Variants in ROBO2 observed in about 807,000 individuals in gnomAD.
ROBO2 encodes roundabout homolog 2.
In ROBO2, 53 loss-of-function variants were observed where a neutral mutation model predicts 160.8. That is an observed-to-expected ratio of 0.33 (90% CI 0.26 to 0.41). The LOEUF (loss-of-function observed/expected upper bound fraction) is 0.41, where lower values mean the gene tolerates loss of function less well. Ranked by LOEUF, ROBO2 falls within the 10% of genes least tolerant of loss-of-function variation. ROBO2 has a pLI of 1.00. For synonymous variants in ROBO2, 664 were observed against 611.7 expected, an observed-to-expected ratio of 1.09 and a Z score of -1.26; for missense variants, 1,577 against 1,722.4, an observed-to-expected ratio of 0.92 and a Z score of 1.49.
intron 2 of ROBO2, among the ~76,000 whole-genome samples, chr3:77,201,576 G>T (rs555014023): frequency 4.6e-5 from 7 of 152,240 alleles, no homozygotes; most frequent in Non-Finnish European, 1.0e-4. Flanking sequence ...TACATTTGAA[G>T]ATATAATATC....
At chr3:76,825,940 G>C (rs2066550426) in intron 2 of ROBO2, among the ~76,000 whole-genome samples, 1 of 150,630 alleles carries the variant, frequency 6.6e-6, no homozygotes, top group African/African-American at 2.4e-5. Flanking sequence ...TGGTATCTGA[G>C]AAAAAGAAGC....
At chr3:77,252,851 TGAA>T (rs2090539004) in intron 2 of ROBO2, among the ~76,000 whole-genome samples, 1 of 111,004 alleles carries the variant, frequency 9.0e-6, no homozygotes, top group Non-Finnish European at 1.9e-5. Flanking sequence ...TATATATATA[TGAA>T]AAATAAACAG....
chr3:76,067,677 G>C (rs984989516), intron 2 of ROBO2, among the ~76,000 whole-genome samples: 1 of 152,090 alleles, frequency 6.6e-6, no homozygotes, highest in African/African-American at 2.4e-5. Context: ...AGTAGGAAAT[G>C]TATTTTTTTT....
rs141433882 is a variant in ROBO2 at position 76,803,845 on chromosome 3, C to T, written c.110-294169C>T. 5.0e-4 allele frequency among the ~76,000 whole-genome samples: 76 copies of T among 152,248 alleles called. No individual in the cohort carries two copies. In the East Asian group the frequency reaches 0.011, roughly 23 times the overall value. ...ATATGATAAACAGAGAAGGCGGAAT[C>T]ACTTCTAGCTAAGTCATGTAAGAGT... is the stretch of plus-strand genomic sequence containing the variant. On this transcript the variant is annotated intron_variant, in intron 2 of 26. Coordinates refer to the ROBO2 transcript ENST00000487694.
intron 2 of ROBO2, among the ~76,000 whole-genome samples, chr3:77,032,549 G>A (rs1392781230): frequency 6.6e-6 from 1 of 151,964 alleles, no homozygotes; most frequent in African/African-American, 2.4e-5. Context: ...AAGTTTAAAT[G>A]AATATTTAAA....
chr3:77,499,727 C>T (rs1275471657), intron 5 of ROBO2, among the ~76,000 whole-genome samples: 1 of 150,764 alleles, frequency 6.6e-6, no homozygotes, highest in South Asian at 2.1e-4. Flanking sequence ...CGCCTCACTG[C>T]ACCCTCCACC....
chr3:76,127,894 C>CT (rs10691388), intron 2 of ROBO2, among the ~76,000 whole-genome samples: 11,229 of 117,472 alleles, frequency 0.096, 1,249 homozygotes, highest in East Asian at 0.36. Flanking sequence ...GAAGACATTT[C>CT]TTTTTTTTTT....
chr3:77,618,916 A>T (rs550420470), intron 22 of ROBO2, among the ~76,000 whole-genome samples: 14 of 152,222 alleles, frequency 9.2e-5, no homozygotes, highest in Admixed American at 3.3e-4. Flanking sequence ...AGCTGCTTCA[A>T]GAGCCACAGG....
chr3:76,579,578 AG>A (rs1232233760), intron 2 of ROBO2, among the ~76,000 whole-genome samples: 1 of 152,116 alleles, frequency 6.6e-6, no homozygotes, highest in Non-Finnish European at 1.5e-5. Context: ...TACCTGAGAA[AG>A]AGTGAGATTT....
At chr3:76,748,939 A>C (rs1003893828) in intron 2 of ROBO2, among the ~76,000 whole-genome samples, 6 of 151,876 alleles carry the variant, frequency 4.0e-5, no homozygotes, top group Non-Finnish European at 7.4e-5. Flanking sequence ...GCAAGCTAAA[A>C]TTCAACCATA....
intron 21 of ROBO2, among the ~76,000 whole-genome samples, chr3:77,613,975 G>A (rs2094708635): frequency 6.6e-6 from 1 of 152,112 alleles, no homozygotes. Context: ...CAGCTTATTG[G>A]AAATAAGTTG....
chr3:76,471,009 T>C (rs537293731), intron 2 of ROBO2, among the ~76,000 whole-genome samples: 15 of 146,804 alleles, frequency 1.0e-4, no homozygotes, highest in Non-Finnish European at 1.8e-4. Flanking sequence ...GTATTTGTTT[T>C]TTATTTGCTA....
intron 2 of ROBO2, among the ~76,000 whole-genome samples, chr3:76,567,634 T>TATATATATATATATAC (rs2084630464): frequency 7.1e-5 from 6 of 84,576 alleles, no homozygotes; most frequent in Admixed American, 1.3e-4. Context: ...TATATATATA[T>TATATATATATATATAC]ATATATATAT....
intron 2 of ROBO2, among the ~76,000 whole-genome samples, chr3:76,838,636 C>T (rs542856531): frequency 3.6e-4 from 55 of 152,104 alleles, no homozygotes; most frequent in African/African-American, 1.3e-3. Context: ...GATTATTGGG[C>T]CTAGCAACAT....
intron 2 of ROBO2, among the ~76,000 whole-genome samples, chr3:76,825,953 C>A (rs1250519200): frequency 1.3e-5 from 2 of 151,270 alleles, no homozygotes; most frequent in Non-Finnish European, 2.9e-5. Flanking sequence ...AAAGAAGCAA[C>A]TCAACACATC....
At chr3:76,820,631 T>C (rs1182892439) in intron 2 of ROBO2, among the ~76,000 whole-genome samples, 2 of 151,892 alleles carry the variant, frequency 1.3e-5, no homozygotes, top group Non-Finnish European at 2.9e-5. Flanking sequence ...CTTGAATGAG[T>C]TTATATCAGG....
intron 1 of ROBO2, among the ~76,000 whole-genome samples, chr3:75,915,354 C>A (rs1946767398): frequency 6.6e-6 from 1 of 152,020 alleles, no homozygotes; most frequent in South Asian, 2.1e-4. Context: ...CTATTGAGAT[C>A]ATTTATTATA....
chr3:76,394,290 C>T (rs1033131213), intron 2 of ROBO2, among the ~76,000 whole-genome samples: 2 of 152,000 alleles, frequency 1.3e-5, no homozygotes, highest in Admixed American at 1.3e-4. Context: ...ATGTTTAGTG[C>T]TTCCTTCAGG....
chr3:76,105,345 T>G (rs1425561005), intron 2 of ROBO2, among the ~76,000 whole-genome samples: 1 of 152,164 alleles, frequency 6.6e-6, no homozygotes, highest in Non-Finnish European at 1.5e-5. Flanking sequence ...TCAAGAATAA[T>G]ATAACAAATT....
Sources: allele counts gnomAD v4.1 joint callset (sites outside exome capture counted in the v4.1 genomes callset), GRCh38; gene constraint gnomAD v4.1.1; transcripts MANE v1.5; gene names NCBI Gene and HGNC (gene_info 2026-07-23, HGNC 2026-07-21).